The following TUSC3 variants were observed in gnomAD, a reference collection of about 807,000 sequenced individuals.
The protein encoded by TUSC3 is tumor suppressor candidate 3, also known as dolichyl-diphosphooligosaccharide--protein glycosyltransferase subunit TUSC3.
Under a neutral mutation model 44.8 loss-of-function variants are expected in TUSC3, and 45 were observed. That is an observed-to-expected ratio of 1.00 (90% CI 0.79 to 1.29). The LOEUF (loss-of-function observed/expected upper bound fraction) is 1.29, where lower values mean the gene tolerates loss of function less well. Among genes scored for constraint, TUSC3 ranks in the 50% most tolerant of loss-of-function variants. The probability of loss-of-function intolerance (pLI) is 0.00; values close to 1 mark genes in which losing one functional copy is unlikely to be tolerated. For synonymous variants in TUSC3, 212 were observed against 152.9 expected, an observed-to-expected ratio of 1.39 and a Z score of -2.85; for missense variants, 519 against 437.9, an observed-to-expected ratio of 1.19 and a Z score of -1.65.
the TUSC3 span, among the ~76,000 whole-genome samples, chr8:15,793,821 G>T: frequency 2.0e-4 from 30 of 152,152 alleles, no homozygotes; most frequent in Non-Finnish European, 3.7e-4. Flanking sequence ...CTGAATGCAT[G>T]CAAGCATAAC....
intron 2 of TUSC3, among the ~76,000 whole-genome samples, chr8:15,518,540 C>A (rs2132131): frequency 0.77 from 117,597 of 152,068 alleles, 45,614 homozygotes; most frequent in East Asian, 0.86. Flanking sequence ...GGATTAGTGT[C>A]TCAAGTCACT....
intron 6 of TUSC3, among the ~76,000 whole-genome samples, chr8:15,691,947 A>G (rs1162083418): frequency 6.6e-6 from 1 of 151,888 alleles, no homozygotes; most frequent in Admixed American, 6.6e-5. Flanking sequence ...TGCCTGGCTA[A>G]TTTTTGTATT....
the TUSC3 span, among the ~76,000 whole-genome samples, chr8:15,841,326 T>C: frequency 6.6e-6 from 1 of 152,164 alleles, no homozygotes; most frequent in African/African-American, 2.4e-5. Context: ...ATACATTTCA[T>C]GGAAATATGA....
chr8:15,718,292 C>T (rs1004062360), intron 6 of TUSC3, among the ~76,000 whole-genome samples: 6 of 152,054 alleles, frequency 3.9e-5, no homozygotes, highest in Non-Finnish European at 7.4e-5. Context: ...AGGAAATGCC[C>T]GTTGGCTTTG....
chr8:15,714,839 T>C (rs972822883), intron 6 of TUSC3, among the ~76,000 whole-genome samples: 3 of 152,178 alleles, frequency 2.0e-5, no homozygotes, highest in African/African-American at 7.2e-5. Flanking sequence ...ATGTTAGTTT[T>C]ATATTTTCAG....
intron 1 of TUSC3, among the ~76,000 whole-genome samples, chr8:15,481,373 A>G (rs148039567): frequency 5.3e-5 from 8 of 151,810 alleles, no homozygotes; most frequent in Admixed American, 2.6e-4. Context: ...CAGCTTCCTT[A>G]TTAAAGGACA....
intron 2 of TUSC3, among the ~76,000 whole-genome samples, chr8:15,510,178 C>T (rs1801112994): frequency 6.6e-6 from 1 of 151,616 alleles, no homozygotes; most frequent in Non-Finnish European, 1.5e-5. Flanking sequence ...AATACATTTG[C>T]AAATCTTGAA....
intron 1 of TUSC3, among the ~76,000 whole-genome samples, chr8:15,446,600 G>A (rs561417196): frequency 9.9e-5 from 15 of 151,824 alleles, no homozygotes; most frequent in Admixed American, 5.2e-4. Flanking sequence ...GGCGGCGGGC[G>A]CCTGCAATCC....
intron 1 of TUSC3, among the ~76,000 whole-genome samples, chr8:15,445,217 T>C (rs1439872434): frequency 6.6e-6 from 1 of 152,214 alleles, no homozygotes. Flanking sequence ...CAGCCAAGTT[T>C]AGGCTATTCA....
intron 7 of TUSC3, among the ~76,000 whole-genome samples, chr8:15,742,054 TA>T (rs1811221750): frequency 1.3e-5 from 2 of 152,206 alleles, no homozygotes; most frequent in African/African-American, 4.8e-5. Flanking sequence ...GGATTTAATT[TA>T]AAGTCTACAG....
At chr8:15,627,073 C>G (rs1805544625) in intron 2 of TUSC3, among the ~76,000 whole-genome samples, 1 of 152,218 alleles carries the variant, frequency 6.6e-6, no homozygotes, top group African/African-American at 2.4e-5. Context: ...CACACTATAT[C>G]TGGCCCATAA....
At chr8:15,735,886 TTTTTGG>T (rs1384947836) in intron 7 of TUSC3, among the ~76,000 whole-genome samples, 62 of 37,718 alleles carry the variant, frequency 1.6e-3, no homozygotes, top group Admixed American at 0.015. Context: ...TTTTTTTGTT[TTTTTGG>T]TTTTTTTTTG....
chr8:15,426,801 G>A (rs1242009816), intron 1 of TUSC3, among the ~76,000 whole-genome samples: 1 of 152,084 alleles, frequency 6.6e-6, no homozygotes, highest in Non-Finnish European at 1.5e-5. Flanking sequence ...ACCTTTTGAG[G>A]AACTTCTGTA....
At chr8:15,743,382 A>G (rs959139426) in intron 7 of TUSC3, 156 bp from the exon 8 acceptor site, 7 of 765,828 alleles carry the variant, frequency 9.1e-6, no homozygotes, top group African/African-American at 3.5e-5. Context: ...TTTGCTCACA[A>G]AGAATGGTAA....
intron 1 of TUSC3, among the ~76,000 whole-genome samples, chr8:15,609,792 CAG>C (rs1804686383): frequency 6.6e-6 from 1 of 151,372 alleles, no homozygotes; most frequent in Non-Finnish European, 1.5e-5. Flanking sequence ...AAAAATAAAA[CAG>C]AGTAACTCCC....
intron 6 of TUSC3, among the ~76,000 whole-genome samples, chr8:15,704,276 A>G (rs1487978375): frequency 2.2e-5 from 3 of 139,158 alleles, no homozygotes; most frequent in Non-Finnish European, 3.1e-5. Flanking sequence ...TTTTTTTGGA[A>G]TAGCAAGGAA....
chr8:15,502,912 GA>G (rs1800987258), intron 2 of TUSC3, among the ~76,000 whole-genome samples: 1 of 152,142 alleles, frequency 6.6e-6, no homozygotes, highest in South Asian at 2.1e-4. Context: ...CATGTTTGAC[GA>G]AGTCTTTATT....
intron 1 of TUSC3, among the ~76,000 whole-genome samples, chr8:15,607,859 C>A (rs1354294793): frequency 6.6e-6 from 1 of 152,110 alleles, no homozygotes; most frequent in Non-Finnish European, 1.5e-5. Context: ...CATTTCCTCC[C>A]TAATTCTCTT....
At chr8:15,590,225 T>C (rs542756668) in intron 1 of TUSC3, among the ~76,000 whole-genome samples, 4 of 152,320 alleles carry the variant, frequency 2.6e-5, no homozygotes, top group African/African-American at 7.2e-5. Context: ...TTCACTCTGC[T>C]CTGGTTTCAG....
Sources: allele counts gnomAD v4.1 joint callset (sites outside exome capture counted in the v4.1 genomes callset), GRCh38; gene constraint gnomAD v4.1.1; transcripts MANE v1.5; gene names NCBI Gene and HGNC (gene_info 2026-07-23, HGNC 2026-07-21).